Variants in CYFIP2 observed in about 807,000 individuals in gnomAD.
CYFIP2 encodes cytoplasmic FMR1 interacting protein 2.
Under a neutral mutation model 158.7 loss-of-function variants are expected in CYFIP2, and 29 were observed. The ratio of observed to expected loss-of-function variants is 0.18; its 90% confidence interval spans 0.14 to 0.25. The LOEUF (loss-of-function observed/expected upper bound fraction) is 0.25. Among genes scored for constraint, CYFIP2 ranks in the 10% least tolerant of loss-of-function variants. CYFIP2 has a pLI of 1.00. For missense variants in CYFIP2, 852 were observed against 1,639.5 expected (o/e 0.52, Z 8.29); for synonymous variants, 585 against 617.6 (o/e 0.95, Z 0.78).
intron 3 of CYFIP2, among the ~76,000 whole-genome samples, chr5:157,290,366 G>A (rs538257792): frequency 1.3e-5 from 2 of 152,056 alleles, no homozygotes; most frequent in African/African-American, 4.8e-5. Context: ...TCCTTGACTC[G>A]TGGCCCCCAG....
chr5:157,388,531 C>T (rs538407738), intron 28 of CYFIP2, among the ~76,000 whole-genome samples: 2 of 152,312 alleles, frequency 1.3e-5, no homozygotes, highest in Non-Finnish European at 2.9e-5. Context: ...TGATGTTAGT[C>T]CTTCTAAAAT....
intron 5 of CYFIP2, among the ~76,000 whole-genome samples, chr5:157,298,919 G>T (rs948540568): frequency 6.6e-6 from 1 of 152,170 alleles, no homozygotes; most frequent in Non-Finnish European, 1.5e-5. Context: ...TTTTAGGACT[G>T]AATACCATTC....
At chr5:157,381,657 G>C (rs1766107907) in intron 26 of CYFIP2, among the ~76,000 whole-genome samples, 1 of 152,118 alleles carries the variant, frequency 6.6e-6, no homozygotes, top group Admixed American at 6.5e-5. Flanking sequence ...TCATTTCTAG[G>C]ACTGATCTGC....
chr5:157,332,769 C>G lies in CYFIP2; in HGVS notation c.2266-558C>G, dbSNP rs940398030. Among the ~76,000 whole-genome samples, 3 of 152,160 alleles carry G rather than the reference C, an allele frequency of 2.0e-5. No individual in the cohort carries two copies. In the East Asian group the frequency reaches 5.8e-4, roughly 29 times the overall value. On this transcript the variant is annotated intron_variant, in intron 20 of 30. Coordinates refer to ENST00000620254, the MANE Select transcript of CYFIP2 (RefSeq NM_001037333.3). The stretch of plus-strand genomic sequence containing the variant: ...AGCTATCTTCCCACCTCCAGCCTCC[C>G]AAGTAGCTAGGACTACAGGCGTACA...
At chr5:157,304,815 T>C (rs993517345) in intron 8 of CYFIP2, 3 of 154,568 alleles carry the variant, frequency 1.9e-5, no homozygotes, top group African/African-American at 7.2e-5. Context: ...TTTTGTTGCA[T>C]GGAAAAGTTC....
chr5:157,376,973 T>A (rs370669505), intron 26 of CYFIP2: 5 of 449,638 alleles, frequency 1.1e-5, no homozygotes, highest in African/African-American at 2.0e-5. Flanking sequence ...TCTGACTCCA[T>A]AAACGGTACC....
rs965937446 is a variant in CYFIP2 at position 157,391,881 on chromosome 5, C to A, written c.3595-952C>A. On this transcript the variant is annotated intron_variant, in intron 30 of 30. Transcript: ENST00000620254. ...TTTCCATAGTGGCTGCACAATTTTA[C>A]ATTCCCACCAGCAGTACACAAGAGT... Among the ~76,000 whole-genome samples, 4 of 152,196 alleles carry A rather than the reference C, an allele frequency of 2.6e-5. No homozygotes were observed. In the East Asian group the frequency reaches 7.7e-4, roughly 29 times the overall value.
intron 24 of CYFIP2, 63 bp from the exon 25 acceptor site, chr5:157,360,219 A>G (rs559248377): frequency 3.6e-6 from 5 of 1,402,784 alleles, no homozygotes; most frequent in East Asian, 2.3e-5. Flanking sequence ...AGGTCTCAGC[A>G]TAACCTCCAT....
chr5:157,315,290 C>G (rs1398367173), intron 13 of CYFIP2, among the ~76,000 whole-genome samples, 196 bp downstream of exon 13: 3 of 151,672 alleles, frequency 2.0e-5, no homozygotes, highest in Non-Finnish European at 4.4e-5. Flanking sequence ...TCTTAAAAAT[C>G]CAAAGAAAAA....
At chr5:157,269,464 A>G (rs1755894038) in intron 1 of CYFIP2, 1 of 152,158 alleles carries the variant, frequency 6.6e-6, no homozygotes, top group East Asian at 1.9e-4. Flanking sequence ...GGGACACAGG[A>G]TCCCTGACTT....
chr5:157,276,671 T>C (rs983020211), intron 1 of CYFIP2, among the ~76,000 whole-genome samples: 3 of 152,194 alleles, frequency 2.0e-5, no homozygotes, highest in African/African-American at 7.2e-5. Context: ...AGAAAGGTTA[T>C]GTCACCTACT....
intron 23 of CYFIP2, among the ~76,000 whole-genome samples, chr5:157,350,794 A>G (rs934078310): frequency 3.3e-5 from 5 of 152,180 alleles, no homozygotes; most frequent in South Asian, 2.1e-4. Flanking sequence ...TGTGTCATCT[A>G]TGATTTCTTT....
chr5:157,381,547 A>AAAAAG (rs1561785735), intron 26 of CYFIP2, among the ~76,000 whole-genome samples: 3 of 149,250 alleles, frequency 2.0e-5, no homozygotes, highest in Non-Finnish European at 3.0e-5. Flanking sequence ...AAAAAAAAAA[A>AAAAAG]GGGGTGAGGG....
Position 157,393,166 on chromosome 5 carries a change from C to G in CYFIP2, c.*166C>G. On this transcript the variant is annotated 3_prime_UTR_variant, in exon 31 of 31. Transcript: ENST00000620254. ...CCCTAGGGCGGGGCCTGTGCATGCT[C>G]TCCCATGACATCTCCATGCTGGTTT... 1 of 594,018 alleles carries G rather than the reference C, an allele frequency of 1.7e-6. No homozygotes were observed. Among genetic ancestry groups the G allele is most frequent in the Non-Finnish European group, 2.8e-6 (1 of 356,634 alleles). 36.8% of individuals were successfully genotyped at this position (594,018 alleles called of 1,614,324 possible). A position where few individuals can be genotyped will look rare whatever the true frequency, so the allele number is the denominator to read the frequency against.
intron 26 of CYFIP2, among the ~76,000 whole-genome samples, chr5:157,367,001 G>A (rs1255966195): frequency 6.6e-6 from 1 of 152,198 alleles, no homozygotes; most frequent in African/African-American, 2.4e-5. Context: ...TTACTGCAAG[G>A]CCTCTTGCCT....
chr5:157,376,874 G>C (rs1183555690), intron 26 of CYFIP2: 1 of 456,108 alleles, frequency 2.2e-6, no homozygotes, highest in East Asian at 7.0e-5. Context: ...TTGCCTTTTA[G>C]ACATCTTCTC....
At position 157,383,326 on chromosome 5, in the gene CYFIP2, G is replaced by C. The variant is rs746201715; in HGVS notation, c.3174G>C (p.Leu1058=). Residue 1058 remains leucine, a synonymous_variant, in exon 28 of 31, where the codon CTG becomes CTC. Transcript: ENST00000620254. The part of the protein sequence containing the change: ...RLEAKYAPLH[L]VPLIERLGTP... Reference sequence around the variant, plus strand: ...AAGCCAAGTATGCCCCGCTCCACCTGGTCCCTCTGATCGAGCGGCTGGGGA... The same window carrying C: ...AAGCCAAGTATGCCCCGCTCCACCTCGTCCCTCTGATCGAGCGGCTGGGGA... 3.1e-6 allele frequency: 5 copies of C among 1,613,856 alleles called. No homozygotes were observed. Among genetic ancestry groups the C allele is most frequent in the Non-Finnish European group, 4.2e-6 (5 of 1,179,864 alleles).
chr5:157,342,923 G>T, intron 23 of CYFIP2: 1 of 1,614,128 alleles, frequency 6.2e-7, no homozygotes, highest in Non-Finnish European at 8.5e-7. Flanking sequence ...TAAGGCACCC[G>T]CATCAGGGGC....
chr5:157,320,870 T>C, intron 15 of CYFIP2, 68 bp downstream of exon 15: 1 of 1,450,442 alleles, frequency 6.9e-7, no homozygotes, highest in Non-Finnish European at 9.1e-7. Flanking sequence ...TAGATCATCA[T>C]GGCTGGCCAT....
Sources: allele counts gnomAD v4.1 joint callset (sites outside exome capture counted in the v4.1 genomes callset), GRCh38; gene constraint gnomAD v4.1.1; transcripts MANE v1.5; gene names NCBI Gene and HGNC (gene_info 2026-07-23, HGNC 2026-07-21).